Variants in MYO3B observed in about 807,000 individuals in gnomAD.
MYO3B encodes the protein myosin IIIB.
Under a neutral mutation model 174.6 loss-of-function variants are expected in MYO3B, and 156 were observed. The observed-to-expected ratio is 0.89, with a 90% CI of 0.78 to 1.02. The LOEUF (loss-of-function observed/expected upper bound fraction) is 1.02. Among genes scored for constraint, MYO3B ranks in the 50% least tolerant of loss-of-function variants. The pLI is 0.00. For synonymous variants in MYO3B, 563 were observed against 569.1 expected, an observed-to-expected ratio of 0.99 and a Z score of 0.15; for missense variants, 1,632 against 1,639.4, an observed-to-expected ratio of 1.00 and a Z score of 0.08.
chr2:170,557,178 C>T (rs528217529), intron 32 of MYO3B, among the ~76,000 whole-genome samples: 12 of 138,936 alleles, frequency 8.6e-5, no homozygotes, highest in African/African-American at 1.3e-4. Flanking sequence ...CTCGCTCTGT[C>T]GCCCAGGCTG....
intron 6 of MYO3B, among the ~76,000 whole-genome samples, chr2:170,235,126 T>A (rs184764710): frequency 1.3e-5 from 2 of 152,328 alleles, no homozygotes; most frequent in Admixed American, 6.5e-5. Context: ...CCCTGATGTT[T>A]TGGATCATCA....
chr2:170,205,234 T>G (rs975173777), intron 3 of MYO3B, among the ~76,000 whole-genome samples: 2 of 152,044 alleles, frequency 1.3e-5, no homozygotes, highest in Non-Finnish European at 2.9e-5. Context: ...AGTTCTAGAG[T>G]TACAAATAAA....
chr2:170,306,230 C>G (rs1228830199), intron 7 of MYO3B, among the ~76,000 whole-genome samples: 1 of 152,176 alleles, frequency 6.6e-6, no homozygotes, highest in Non-Finnish European at 1.5e-5. Context: ...GGCTGCCATT[C>G]TTTGAAGATC....
intron 1 of MYO3B, among the ~76,000 whole-genome samples, chr2:170,192,425 TTTTC>T (rs2092551605): frequency 6.6e-6 from 1 of 151,234 alleles, no homozygotes; most frequent in Non-Finnish European, 1.5e-5. Context: ...TTATGCATCT[TTTTC>T]TTTTCTATTT....
intron 32 of MYO3B, among the ~76,000 whole-genome samples, chr2:170,594,188 T>G (rs1693995661): frequency 6.6e-6 from 1 of 152,104 alleles, no homozygotes; most frequent in Non-Finnish European, 1.5e-5. Context: ...TGCCTCAAGT[T>G]AGGCCTCTCT....
intron 11 of MYO3B, 64 bp from the exon 12 acceptor site, chr2:170,383,646 G>A (rs1357007264): frequency 3.2e-6 from 4 of 1,244,482 alleles, no homozygotes; most frequent in East Asian, 2.3e-5. Context: ...TGGTTTCATG[G>A]GCAATAGGTA....
chr2:170,328,486 T>G (rs1161162264), intron 7 of MYO3B, among the ~76,000 whole-genome samples: 1 of 152,102 alleles, frequency 6.6e-6, no homozygotes, highest in Non-Finnish European at 1.5e-5. Context: ...AATTGCTCAC[T>G]GAGCCACCCC....
At chr2:170,507,746 C>T (rs1687704190) in intron 28 of MYO3B, among the ~76,000 whole-genome samples, 1 of 137,468 alleles carries the variant, frequency 7.3e-6, no homozygotes, top group Non-Finnish European at 1.5e-5. Context: ...GGGGAAATGT[C>T]TAGGGGGAAA....
At chr2:170,633,660 A>G (rs1162216991) in intron 32 of MYO3B, among the ~76,000 whole-genome samples, 2 of 152,244 alleles carry the variant, frequency 1.3e-5, no homozygotes, top group Non-Finnish European at 2.9e-5. Flanking sequence ...GTATTCAGTT[A>G]GGAAAAAAGG....
chr2:170,277,269 T>C (rs2093470322), intron 7 of MYO3B, among the ~76,000 whole-genome samples: 1 of 152,232 alleles, frequency 6.6e-6, no homozygotes, highest in South Asian at 2.1e-4. Context: ...ACATAATTAC[T>C]AGTGTGTTGT....
At position 170,273,254 on chromosome 2, in the gene MYO3B, A is replaced by G. The variant is rs1182855826; in HGVS notation, c.749+37118A>G. ...AGGTCCAAGCCTCAACTGATAATTA[A>G]AAGTGATTTAGCCTGGAGCAACCCA... On this transcript the variant is annotated intron_variant, in intron 7 of 34. Transcript: ENST00000408978. Among the ~76,000 whole-genome samples the G allele has an allele frequency of 2.6e-5, 4 of 152,238 alleles. No homozygotes were observed. In the East Asian group the frequency reaches 7.7e-4, roughly 29 times the overall value.
At chr2:170,186,150 A>C (rs1410181195) in intron 1 of MYO3B, among the ~76,000 whole-genome samples, 3 of 152,194 alleles carry the variant, frequency 2.0e-5, no homozygotes, top group Admixed American at 6.6e-5. Context: ...TGCTTTAGCA[A>C]GGACTTCCAG....
At chr2:170,526,568 G>A (rs577692524) in intron 30 of MYO3B, among the ~76,000 whole-genome samples, 4 of 152,204 alleles carry the variant, frequency 2.6e-5, no homozygotes, top group South Asian at 2.1e-4. Context: ...GATTGACTTT[G>A]GGTTCAGGAG....
intron 8 of MYO3B, among the ~76,000 whole-genome samples, chr2:170,343,074 CACA>C (rs2093989261): frequency 2.0e-5 from 3 of 147,416 alleles, no homozygotes; most frequent in African/African-American, 5.0e-5. Context: ...CACACACACA[CACA>C]CCCCTCTCCA....
At chr2:170,565,242 C>A (rs10170200) in intron 32 of MYO3B, among the ~76,000 whole-genome samples, 2 of 152,002 alleles carry the variant, frequency 1.3e-5, no homozygotes, top group African/African-American at 2.4e-5. Context: ...AGGAAACAGC[C>A]TTTTTGTAGA....
At chr2:170,369,719 C>T (rs531604539) in intron 9 of MYO3B, among the ~76,000 whole-genome samples, 2 of 149,434 alleles carry the variant, frequency 1.3e-5, no homozygotes, top group East Asian at 2.0e-4. Context: ...TAGAGGTAAC[C>T]GTATGAAAGC....
At chr2:170,184,082 AATAG>A (rs2092435562) in intron 1 of MYO3B, among the ~76,000 whole-genome samples, 1 of 152,088 alleles carries the variant, frequency 6.6e-6, no homozygotes, top group Non-Finnish European at 1.5e-5. Flanking sequence ...GTGGGTACAT[AATAG>A]ATGTATATAT....
intron 3 of MYO3B, among the ~76,000 whole-genome samples, chr2:170,204,702 C>G (rs2092697406): frequency 6.6e-6 from 1 of 152,144 alleles, no homozygotes; most frequent in Admixed American, 6.6e-5. Flanking sequence ...TAGGGAGGAA[C>G]TGCAGGAATG....
chr2:170,602,524 A>C (rs1694577676), intron 32 of MYO3B, among the ~76,000 whole-genome samples: 1 of 152,190 alleles, frequency 6.6e-6, no homozygotes, highest in Non-Finnish European at 1.5e-5. Flanking sequence ...TTGTCTTCTC[A>C]AGTGTGCTAG....
Sources: gnomAD v4.1 joint callset for allele counts (sites outside exome capture counted in the v4.1 genomes callset) on GRCh38, gnomAD v4.1.1 for gene constraint, MANE v1.5 for transcripts, NCBI Gene and HGNC (gene_info 2026-07-23, HGNC 2026-07-21) for gene names.